Variants in GALNT14 observed in about 807,000 individuals in gnomAD.
GALNT14 encodes polypeptide N-acetylgalactosaminyltransferase 14.
In GALNT14, 60 loss-of-function variants were observed where a neutral mutation model predicts 77.5. That is an observed-to-expected ratio of 0.77 (90% CI 0.63 to 0.96). The LOEUF (loss-of-function observed/expected upper bound fraction) is 0.96, where lower values mean the gene tolerates loss of function less well. GALNT14 is among the 40% of genes least tolerant of loss of function. The pLI is 0.00. For synonymous variants in GALNT14, 280 were observed against 281.7 expected, an observed-to-expected ratio of 0.99 and a Z score of 0.06; for missense variants, 710 against 731.0, an observed-to-expected ratio of 0.97 and a Z score of 0.33.
the GALNT14 span, among the ~76,000 whole-genome samples, chr2:30,898,161 C>T: frequency 3.9e-5 from 6 of 152,154 alleles, no homozygotes; most frequent in South Asian, 1.0e-3. Flanking sequence ...CTCTCGTCCT[C>T]GTTTTGCCAA....
chr2:31,137,589 T>TGGCCC (rs920546645), intron 1 of GALNT14, among the ~76,000 whole-genome samples: 3 of 151,868 alleles, frequency 2.0e-5, no homozygotes, highest in Non-Finnish European at 2.9e-5. Flanking sequence ...GCCCGGGCGC[T>TGGCCC]GGCCCGACCC....
chr2:30,941,598 A>G (rs1666379093), intron 9 of GALNT14, among the ~76,000 whole-genome samples: 1 of 152,130 alleles, frequency 6.6e-6, no homozygotes, highest in Non-Finnish European at 1.5e-5. Context: ...CTATCCCACC[A>G]TGACCAGATC....
At chr2:31,051,011 C>T (rs967659834) in intron 1 of GALNT14, among the ~76,000 whole-genome samples, 22 of 152,050 alleles carry the variant, frequency 1.4e-4, no homozygotes, top group African/African-American at 5.1e-4. Flanking sequence ...AGAGATGCTG[C>T]GCCACCTCGG....
At chr2:31,119,292 GA>G (rs1281846626) in intron 1 of GALNT14, among the ~76,000 whole-genome samples, 1 of 151,952 alleles carries the variant, frequency 6.6e-6, no homozygotes, top group Middle Eastern at 3.2e-3. Context: ...AAATTAATCA[GA>G]AAAAAATCTG....
At chr2:30,963,595 T>C (rs939708005) in intron 3 of GALNT14, among the ~76,000 whole-genome samples, 2 of 152,166 alleles carry the variant, frequency 1.3e-5, no homozygotes, top group Non-Finnish European at 2.9e-5. Flanking sequence ...TACACTGTAA[T>C]GCCCCCAAAT....
At chr2:30,959,739 C>G (rs1465869121) in intron 3 of GALNT14, among the ~76,000 whole-genome samples, 1 of 152,188 alleles carries the variant, frequency 6.6e-6, no homozygotes. Context: ...GACTCACTTA[C>G]CCCTCCTGTG....
intron 1 of GALNT14, among the ~76,000 whole-genome samples, chr2:31,065,773 T>C (rs188183249): frequency 2.4e-4 from 36 of 152,274 alleles, no homozygotes; most frequent in African/African-American, 8.2e-4. Context: ...CTAACCCTCC[T>C]ACAAATCCCT....
At chr2:30,920,662 CAT>C (rs1491508594) in intron 13 of GALNT14, among the ~76,000 whole-genome samples, 6 of 151,358 alleles carry the variant, frequency 4.0e-5, no homozygotes, top group African/African-American at 7.3e-5. Context: ...CACACACACA[CAT>C]AGGCACACAT....
In GALNT14 at chr2:31,138,071, GA is replaced by G; in HGVS notation, c.15del (p.Arg6ValfsTer21). On this transcript the variant is annotated frameshift_variant, in exon 1 of 15. Transcript: ENST00000349752. LOFTEE classifies it high-confidence loss of function. MRRL[T>X]RRLVLPVFGV... The stretch of plus-strand genomic sequence containing the variant: ...CCGAAGACTGGCAGAACCAGCCGAC[GA>G]GTCAGGCGCCGCATGGTCCCCTTTG... 1 of 1,613,768 alleles carries G rather than the reference GA, an allele frequency of 6.2e-7. No individual in the cohort carries two copies.
At chr2:31,042,704 G>A (rs933255854) in intron 1 of GALNT14, among the ~76,000 whole-genome samples, 1 of 152,116 alleles carries the variant, frequency 6.6e-6, no homozygotes, top group African/African-American at 2.4e-5. Context: ...AAATCGCACT[G>A]GTTCTTGCTT....
intron 3 of GALNT14, among the ~76,000 whole-genome samples, chr2:30,961,883 G>T (rs988454279): frequency 5.9e-5 from 9 of 152,004 alleles, no homozygotes; most frequent in Non-Finnish European, 1.2e-4. Context: ...AGTAGAGACG[G>T]GGTTTCACCA....
chr2:30,955,705 G>A lies in GALNT14; in HGVS notation c.567C>T (p.Ile189=), dbSNP rs145356432. The A allele has an allele frequency of 8.8e-4, 1,426 of 1,614,178 alleles. 1 individual carries two copies. Among genetic ancestry groups the A allele is most frequent in the Non-Finnish European group, 8.9e-4 (1,047 of 1,180,042 alleles). ...LVRSRIRGAD[I]AQGTTLTFLD... ...GGAAAGTCAGAGTGGTGCCCTGGGC[G>A]ATGTCAGCGCCCCGAATCCGGGACC... The change falls in exon 6 of 15, where the codon ATC becomes ATT. Residue 189 remains isoleucine, a synonymous_variant. Transcript: ENST00000349752.
chr2:31,002,840 C>A (rs1670447250), intron 1 of GALNT14, among the ~76,000 whole-genome samples: 1 of 152,198 alleles, frequency 6.6e-6, no homozygotes, highest in African/African-American at 2.4e-5. Context: ...CAGCCCTTCG[C>A]TTGCCTGGGC....
chr2:30,887,340 A>G, the GALNT14 span, among the ~76,000 whole-genome samples: 3 of 152,202 alleles, frequency 2.0e-5, no homozygotes, highest in Non-Finnish European at 4.4e-5. Flanking sequence ...CCTACCAGCA[A>G]TGTGTAACGG....
At chr2:31,035,559 G>GTGTGTGTA (rs1301708750) in intron 1 of GALNT14, among the ~76,000 whole-genome samples, 5 of 138,684 alleles carry the variant, frequency 3.6e-5, no homozygotes, top group African/African-American at 1.5e-4. Flanking sequence ...GAAAATGTGT[G>GTGTGTGTA]TGTGTGTGTA....
At chr2:31,048,930 C>T (rs965737386) in intron 1 of GALNT14, among the ~76,000 whole-genome samples, 8 of 152,156 alleles carry the variant, frequency 5.3e-5, no homozygotes, top group Admixed American at 2.0e-4. Context: ...CACAGGTGCC[C>T]GTCACTGGCC....
chr2:31,046,469 C>T (rs1405608641), intron 1 of GALNT14, among the ~76,000 whole-genome samples: 1 of 152,162 alleles, frequency 6.6e-6, no homozygotes, highest in Admixed American at 6.5e-5. Context: ...ACGTCATGAT[C>T]CACCCGCCTC....
intron 6 of GALNT14, among the ~76,000 whole-genome samples, chr2:30,951,067 C>A (rs568019574): frequency 6.6e-6 from 1 of 152,124 alleles, no homozygotes; most frequent in Non-Finnish European, 1.5e-5. Context: ...ACATATACAC[C>A]CCCAAATAAT....
chr2:30,955,847 C>G lies in GALNT14; in HGVS notation c.532+65G>C, dbSNP rs373246163. The G allele has an allele frequency of 3.1e-6, 5 of 1,610,422 alleles. No individual in the cohort carries two copies. In the African/African-American group the frequency reaches 6.7e-5, roughly 22 times the overall value. ...CCCACTGATCACCCCAACACACACACACCATCACACCTTCGACCCCCCGAC... is the reference window on the plus strand; with the variant it reads ...CCCACTGATCACCCCAACACACACAGACCATCACACCTTCGACCCCCCGAC... On this transcript the variant is annotated intron_variant, in intron 5 of 14. Transcript: ENST00000349752.
Sources: gnomAD v4.1 joint callset for allele counts (sites outside exome capture counted in the v4.1 genomes callset) on GRCh38, gnomAD v4.1.1 for gene constraint, MANE v1.5 for transcripts, NCBI Gene and HGNC (gene_info 2026-07-23, HGNC 2026-07-21) for gene names.